Variants in AGTPBP1 observed in about 807,000 individuals in gnomAD.
The protein encoded by AGTPBP1 is cytosolic carboxypeptidase 1.
AGTPBP1 carries 70 observed loss-of-function variants against 143.9 expected under a neutral mutation model. The ratio of observed to expected loss-of-function variants is 0.49; its 90% CI spans 0.40 to 0.59. AGTPBP1 has a LOEUF of 0.59. Among genes scored for constraint, AGTPBP1 ranks in the 20% least tolerant of loss-of-function variants. The pLI is 0.00. For missense variants in AGTPBP1, 1,229 were observed against 1,464.5 expected (o/e 0.84, Z 2.62); for synonymous variants, 463 against 500.2 (o/e 0.93, Z 0.99).
chr9:85,578,886 A>G lies in AGTPBP1; in HGVS notation c.3342+34T>C, dbSNP rs537633908. On this transcript the variant is annotated intron_variant, in intron 24 of 25. Coordinates refer to ENST00000357081, the MANE Select transcript of AGTPBP1 (RefSeq NM_001330701.2). ...ATATATGAAAGGAAAGTCTTCAAAT[A>G]TCTTTCATGGTTAGAAAACCTAAGA... 5 of 1,595,266 alleles carry G rather than the reference A, an allele frequency of 3.1e-6. No homozygotes were observed. The South Asian group carries it at 4.5e-5, about 14-fold the overall frequency.
chr9:85,582,196 A>G (rs1401970431), intron 23 of AGTPBP1, among the ~76,000 whole-genome samples: 1 of 152,208 alleles, frequency 6.6e-6, no homozygotes, highest in Non-Finnish European at 1.5e-5. Flanking sequence ...TTGATGCAAT[A>G]CTATTGATAG....
At chr9:85,679,632 T>A (rs1043415206) in intron 4 of AGTPBP1, among the ~76,000 whole-genome samples, 8 of 152,222 alleles carry the variant, frequency 5.3e-5, no homozygotes, top group African/African-American at 1.9e-4. Flanking sequence ...ATGGTCTCAA[T>A]CTCCTGACCT....
At chr9:85,581,919 AT>A (rs1353342962) in intron 23 of AGTPBP1, among the ~76,000 whole-genome samples, 1 of 152,208 alleles carries the variant, frequency 6.6e-6, no homozygotes, top group African/African-American at 2.4e-5. Context: ...AGATTTTGGG[AT>A]TAGGAATGCT....
At chr9:85,722,739 G>C (rs1838213126) in intron 1 of AGTPBP1, among the ~76,000 whole-genome samples, 2 of 152,134 alleles carry the variant, frequency 1.3e-5, no homozygotes, top group South Asian at 4.1e-4. Flanking sequence ...CAATCCTTTG[G>C]AGGAGAAGAG....
chr9:85,571,422 A>G (rs572202286), intron 25 of AGTPBP1, among the ~76,000 whole-genome samples: 2 of 152,232 alleles, frequency 1.3e-5, no homozygotes, highest in Admixed American at 6.5e-5. Flanking sequence ...GAAAATTTTG[A>G]GCATCAAAAT....
chr9:85,547,460 T>C (rs1252851079), intron 25 of AGTPBP1, among the ~76,000 whole-genome samples, 174 bp from the exon 26 acceptor site: 1 of 152,230 alleles, frequency 6.6e-6, no homozygotes, highest in Non-Finnish European at 1.5e-5. Context: ...AAGTTCCTTG[T>C]ATTGACAATA....
chr9:85,657,416 T>G lies in AGTPBP1; in HGVS notation c.909+19A>C, dbSNP rs372297127. 28 of 1,584,388 alleles carry G rather than the reference T, an allele frequency of 1.8e-5. No individual in the cohort carries two copies. Among genetic ancestry groups the G allele is most frequent in the East Asian group, 1.6e-4 (7 of 44,562 alleles). ...TATTATTAGTACATAATCACAATAA[T>G]AAGAAGAAAATAACTCACTTGCGAA... is the stretch of plus-strand genomic sequence containing the variant. On this transcript the variant is annotated intron_variant, in intron 10 of 25. Coordinates refer to ENST00000357081, the MANE Select transcript of AGTPBP1 (RefSeq NM_001330701.2).
intron 6 of AGTPBP1, among the ~76,000 whole-genome samples, chr9:85,674,461 T>C (rs940844585): frequency 6.6e-6 from 1 of 152,104 alleles, no homozygotes; most frequent in Non-Finnish European, 1.5e-5. Context: ...TAGTTCTAAT[T>C]AGAAGAGAAA....
At chr9:85,624,457 T>C (rs1425879505) in intron 14 of AGTPBP1, among the ~76,000 whole-genome samples, 2 of 152,200 alleles carry the variant, frequency 1.3e-5, no homozygotes, top group Admixed American at 6.5e-5. Context: ...TATGCATATA[T>C]ACACTGCATA....
rs182941870 is a variant in AGTPBP1, at chr9:85,670,093, A to G, written c.569-515T>C. 2.1e-3 allele frequency among the ~76,000 whole-genome samples: 323 copies of G among 152,334 alleles called. 1 individual carries two copies. Among genetic ancestry groups the G allele is most frequent in the Non-Finnish European group, 3.7e-3 (250 of 68,036 alleles). ...AAAATGATGCCTAGGCTCAGTCTTT[A>G]AAAGTGAGTAGTAGTTAGGGCAGGA... On this transcript the variant is annotated intron_variant, in intron 7 of 25. Coordinates refer to ENST00000357081, the MANE Select transcript of AGTPBP1 (RefSeq NM_001330701.2).
chr9:85,788,550 C>A, the AGTPBP1 span, among the ~76,000 whole-genome samples: 1 of 149,294 alleles, frequency 6.7e-6, no homozygotes, highest in African/African-American at 2.5e-5. Context: ...ATAATGAGGA[C>A]CTTTGTTAAT....
At chr9:85,673,032 G>A (rs1834590046) in intron 6 of AGTPBP1, among the ~76,000 whole-genome samples, 1 of 152,040 alleles carries the variant, frequency 6.6e-6, no homozygotes, top group Admixed American at 6.6e-5. Flanking sequence ...ACTGTGCCTG[G>A]CCCACATGTA....
intron 17 of AGTPBP1, among the ~76,000 whole-genome samples, chr9:85,598,932 G>C (rs1256057793): frequency 6.6e-6 from 1 of 152,098 alleles, no homozygotes; most frequent in Admixed American, 6.5e-5. Context: ...ATGTTGCCAT[G>C]GCTGGTCTCA....
intron 4 of AGTPBP1, among the ~76,000 whole-genome samples, chr9:85,678,885 C>T (rs1161944877): frequency 1.3e-5 from 2 of 152,058 alleles, no homozygotes; most frequent in East Asian, 1.9e-4. Flanking sequence ...TATTTTGCAC[C>T]TTGATATTTT....
intron 14 of AGTPBP1, among the ~76,000 whole-genome samples, chr9:85,632,144 C>A (rs917141043): frequency 6.6e-6 from 1 of 151,702 alleles, no homozygotes; most frequent in African/African-American, 2.4e-5. Context: ...TACAGACATA[C>A]AATGCGTAAT....
At chr9:85,592,478 TGTTAG>T (rs1250519761) in intron 19 of AGTPBP1, 77 bp downstream of exon 19, 2 of 930,872 alleles carry the variant, frequency 2.1e-6, no homozygotes, top group Non-Finnish European at 1.5e-6. Flanking sequence ...ATTATCCTTA[TGTTAG>T]AATATTTAAC....
At chr9:85,797,037 G>A in the AGTPBP1 span, among the ~76,000 whole-genome samples, 1 of 151,974 alleles carries the variant, frequency 6.6e-6, no homozygotes, top group Admixed American at 6.6e-5. Flanking sequence ...TGCCCGCCTC[G>A]GCCTCCCAAA....
chr9:85,717,676 CTT>C (rs775415618), intron 1 of AGTPBP1, among the ~76,000 whole-genome samples: 22 of 135,498 alleles, frequency 1.6e-4, no homozygotes, highest in Middle Eastern at 3.8e-3. Flanking sequence ...GATGAGTATC[CTT>C]TTTTTTTTTT....
the AGTPBP1 span, among the ~76,000 whole-genome samples, chr9:85,782,051 CTTTGATAATTTAGGTATGG>C: frequency 6.6e-6 from 1 of 152,014 alleles, no homozygotes; most frequent in South Asian, 2.1e-4. Context: ...ATTCTAATAA[CTTTGATAATTTAGGTATGG>C]TTTATGAAAA....
Sources: allele counts gnomAD v4.1 joint callset (sites outside exome capture counted in the v4.1 genomes callset), GRCh38; gene constraint gnomAD v4.1.1; transcripts MANE v1.5; gene names NCBI Gene and HGNC (gene_info 2026-07-23, HGNC 2026-07-21).